The following ATXN2L variants were observed in gnomAD, a reference collection of about 807,000 sequenced individuals.
ATXN2L encodes ataxin 2 like.
ATXN2L carries 24 observed loss-of-function variants against 120.7 expected under a neutral mutation model. The ratio of observed to expected loss-of-function variants is 0.20; its 90% CI spans 0.14 to 0.28. ATXN2L has a LOEUF of 0.28. Among genes scored for constraint, ATXN2L ranks in the 10% least tolerant of loss-of-function variants. The probability of loss-of-function intolerance (pLI) is 1.00; values close to 1 mark genes in which losing one functional copy is unlikely to be tolerated. For synonymous variants in ATXN2L, 653 were observed against 568.1 expected, an observed-to-expected ratio of 1.15 and a Z score of -2.13; for missense variants, 1,312 against 1,432.3, an observed-to-expected ratio of 0.92 and a Z score of 1.36.
rs1457628550 is a variant in ATXN2L, at chr16:28,834,113, A to T, written c.2074A>T (p.Thr692Ser). The T allele has an allele frequency of 6.2e-7, 1 of 1,613,818 alleles. No homozygotes were observed. Among genetic ancestry groups the T allele is most frequent in the Non-Finnish European group, 8.5e-7 (1 of 1,179,948 alleles). Residue 692 changes from threonine to serine, a missense_variant, in exon 16 of 22, where the codon ACT becomes TCT. Physicochemically the swap from Thr to Ser is moderately conservative, Grantham distance 58. Coordinates refer to ENST00000336783, the MANE Select transcript of ATXN2L (RefSeq NM_007245.4). Reference protein sequence around the residue: ...PTSPGPRTHSTPSIPVLTAGQ... With the variant: ...PTSPGPRTHSSPSIPVLTAGQ... ...TTCTCCGGGGCCCCGGACTCATTCA[A>T]CTCCCTCCATCCCGGTGCTGACAGC...
intron 18 of ATXN2L, 176 bp downstream of exon 18, chr16:28,834,869 A>T: frequency 8.8e-7 from 1 of 1,138,854 alleles, no homozygotes; most frequent in Middle Eastern, 2.9e-4. Context: ...GGTACCTGTA[A>T]CAAGGCATTG....
chr16:28,826,437 G>A, intron 5 of ATXN2L, 47 bp downstream of exon 5: 1 of 1,580,972 alleles, frequency 6.3e-7, no homozygotes, highest in South Asian at 1.1e-5. Context: ...GTGCATAGAG[G>A]ACAGAGGGTA....
In ATXN2L at chr16:28,826,650, TC is replaced by T. The variant is rs1178614003; in HGVS notation, c.617-211del. 6.1e-6 allele frequency: 4 copies of T among 655,630 alleles called. No homozygotes were observed. In the Admixed American group the frequency reaches 1.3e-4, roughly 22 times the overall value. 40.6% of individuals were successfully genotyped at this position (655,630 alleles called of 1,614,324 possible). A position where few individuals can be genotyped will look rare whatever the true frequency, so the allele number is the denominator to read the frequency against. On this transcript the variant is annotated intron_variant, in intron 5 of 21. Coordinates refer to ENST00000336783, the MANE Select transcript of ATXN2L (RefSeq NM_007245.4). ...TATTTTCTTTGCTTGGTTTTTAACT[TC>T]TTTTTTCTTTGGAATCATAGTACTG...
In ATXN2L at chr16:28,823,390, C is replaced by A; in HGVS notation, c.131C>A (p.Thr44Asn). ...PNGGLPGPLA[T>N]SAAPPGPPAA... The stretch of plus-strand genomic sequence containing the variant: ...GGCGGCCTCCCGGGGCCGCTGGCCA[C>A]CTCTGCGGCTCCTCCCGGGCCTCCA... The change falls in exon 1 of 22, where the codon ACC (threonine) becomes AAC (asparagine). Residue 44 changes from threonine to asparagine, a missense_variant. Transcript: ENST00000336783. The A allele has an allele frequency of 7.5e-7, 1 of 1,338,368 alleles. No homozygotes were observed. The highest frequency in any genetic ancestry group is 2.9e-5 in the East Asian group (1 of 34,318). The allele number at this position is 1,338,368 out of a possible 1,614,324, so 82.9% of individuals were successfully genotyped here. A position where few individuals can be genotyped will look rare whatever the true frequency, so the allele number is the denominator to read the frequency against.
At chr16:28,833,880 C>T (rs920982150) in intron 15 of ATXN2L, 185 bp from the exon 16 acceptor site, 4 of 760,050 alleles carry the variant, frequency 5.3e-6, no homozygotes, top group Admixed American at 2.9e-5. Flanking sequence ...CACTTACATT[C>T]TCTGCCTCAC....
intron 6 of ATXN2L, among the ~76,000 whole-genome samples, chr16:28,828,949 G>A (rs560375406): frequency 4.8e-4 from 73 of 152,170 alleles, no homozygotes; most frequent in Non-Finnish European, 6.6e-4. Flanking sequence ...CACCATGTTG[G>A]TCAGGTTGAT....
intron 5 of ATXN2L, 113 bp downstream of exon 5, chr16:28,826,503 T>A (rs1184460487): frequency 7.6e-7 from 1 of 1,313,116 alleles, no homozygotes; most frequent in African/African-American, 1.5e-5. Flanking sequence ...TGTTTTTGTT[T>A]GTTTGTTTTG....
At chr16:28,833,997 C>G in intron 15 of ATXN2L, 68 bp from the exon 16 acceptor site, 2 of 1,526,124 alleles carry the variant, frequency 1.3e-6, no homozygotes, top group Non-Finnish European at 1.8e-6. Flanking sequence ...TTAATTATTA[C>G]CACTCTAGGC....
At chr16:28,827,024 G>A in intron 6 of ATXN2L, 38 bp downstream of exon 6, 1 of 1,402,300 alleles carries the variant, frequency 7.1e-7, no homozygotes, top group Non-Finnish European at 9.4e-7. Context: ...GAGCTGGACA[G>A]ACAGAATGGG....
intron 6 of ATXN2L, among the ~76,000 whole-genome samples, chr16:28,827,553 C>G (rs1458406700): frequency 6.6e-6 from 1 of 151,804 alleles, no homozygotes; most frequent in African/African-American, 2.4e-5. Flanking sequence ...TTTCTCTTCC[C>G]AAAATCAGCT....
rs552074799 is a variant in ATXN2L, at chr16:28,831,017, G to A, written c.1266G>A (p.Leu422=). Residue 422 remains leucine, a synonymous_variant, in exon 10 of 22, where the codon CTG becomes CTA. Transcript: ENST00000336783. The part of the protein sequence containing the change: ...AQRPLRGAKT[L]SSPSNRPSGE... ...GGCCTCTGAGAGGTGCCAAGACTCTGTCTTCGCCCAGTAATAGGCCTTCTG... is the reference window on the plus strand; with the variant it reads ...GGCCTCTGAGAGGTGCCAAGACTCTATCTTCGCCCAGTAATAGGCCTTCTG... 1.2e-6 allele frequency: 2 copies of A among 1,611,298 alleles called. No individual in the cohort carries two copies. Among genetic ancestry groups the A allele is most frequent in the Admixed American group, 1.7e-5 (1 of 59,536 alleles).
chr16:28,824,459 C>T (rs771016245), intron 1 of ATXN2L: 6 of 1,287,628 alleles, frequency 4.7e-6, no homozygotes, highest in Admixed American at 2.3e-5. Context: ...CCAGCCCCGC[C>T]AGCGGCCCCC....
chr16:28,833,037 T>C, intron 13 of ATXN2L, 22 bp from the exon 14 acceptor site: 2 of 1,611,042 alleles, frequency 1.2e-6, no homozygotes, highest in Non-Finnish European at 1.7e-6. Context: ...CAGACTGGAC[T>C]GTGTGTGTTT....
chr16:28,823,283 A>G lies in ATXN2L; in HGVS notation c.24A>G (p.Gln8=). The G allele has an allele frequency of 6.7e-7, 1 of 1,499,372 alleles. No individual in the cohort carries two copies. The highest frequency in any genetic ancestry group is 1.3e-5 in the South Asian group (1 of 78,776). The allele number at this position is 1,499,372 out of a possible 1,614,324, so 92.9% of individuals were successfully genotyped here. A position where few individuals can be genotyped will look rare whatever the true frequency, so the allele number is the denominator to read the frequency against. The change falls in exon 1 of 22, where the codon CAA becomes CAG. Residue 8 remains glutamine (Q), a synonymous_variant. Transcript: ENST00000336783. MLKPQPL[Q]QPSQPQQPPP... is the part of the protein sequence containing the mutation. ...TCATGTTGAAGCCTCAGCCGCTACAACAGCCCTCCCAGCCCCAGCAGCCGC... is the reference window on the plus strand; with the variant it reads ...TCATGTTGAAGCCTCAGCCGCTACAGCAGCCCTCCCAGCCCCAGCAGCCGC...
intron 18 of ATXN2L, 164 bp from the exon 19 acceptor site, chr16:28,834,894 T>C: frequency 8.5e-7 from 1 of 1,175,522 alleles, no homozygotes; most frequent in Non-Finnish European, 1.2e-6. Context: ...TCTGTATCTC[T>C]GAAGTGTAGA....
At chr16:28,826,699 C>T (rs1420972508) in intron 5 of ATXN2L, 163 bp from the exon 6 acceptor site, 2 of 809,048 alleles carry the variant, frequency 2.5e-6, no homozygotes, top group African/African-American at 1.7e-5. Flanking sequence ...TACTCTTCTT[C>T]TCTTGCCTCC....
chr16:28,826,733 A>T, intron 5 of ATXN2L, 129 bp from the exon 6 acceptor site: 1 of 1,168,404 alleles, frequency 8.6e-7, no homozygotes, highest in Non-Finnish European at 1.2e-6. Context: ...ATCCTAACAC[A>T]CGGGCACACG....
intron 18 of ATXN2L, 78 bp downstream of exon 18, chr16:28,834,771 G>A: frequency 6.8e-7 from 1 of 1,475,426 alleles, no homozygotes. Context: ...CTTGGGAGCT[G>A]GCTAGGGGTG....
chr16:28,828,173 T>C (rs770300650), intron 6 of ATXN2L, among the ~76,000 whole-genome samples: 1 of 152,340 alleles, frequency 6.6e-6, no homozygotes, highest in Middle Eastern at 3.4e-3. Context: ...TTAGAACATA[T>C]ATTCCCCACG....
Sources: allele counts gnomAD v4.1 joint callset (sites outside exome capture counted in the v4.1 genomes callset), GRCh38; gene constraint gnomAD v4.1.1; transcripts MANE v1.5; gene names NCBI Gene and HGNC (gene_info 2026-07-23, HGNC 2026-07-21).